The following WDR7 variants were observed in gnomAD, a reference collection of about 807,000 sequenced individuals.
WDR7 encodes WD repeat-containing protein 7.
WDR7 carries 46 observed loss-of-function variants against 169.4 expected under a neutral mutation model. The observed-to-expected ratio is 0.27, with a 90% CI of 0.21 to 0.35. The LOEUF is 0.35. Ranked by LOEUF, WDR7 falls within the 10% of genes least tolerant of loss-of-function variation. The pLI is 1.00. For missense variants in WDR7, 1,534 were observed against 1,859.3 expected (o/e 0.83, Z 3.22); for synonymous variants, 612 against 666.8 (o/e 0.92, Z 1.27).
rs2048392120 is a variant in WDR7 at position 57,028,009 on chromosome 18, G to A, written c.*802G>A. 1 of 152,104 alleles carries A rather than the reference G, an allele frequency of 6.6e-6. No individual in the cohort carries two copies. Among genetic ancestry groups the A allele is most frequent in the South Asian group, 2.1e-4 (1 of 4,820 alleles). 9.4% of individuals were successfully genotyped at this position (152,104 alleles called of 1,614,324 possible). On this transcript the variant is annotated 3_prime_UTR_variant, in exon 28 of 28. Transcript: ENST00000254442. ...TAACTAATCTCTTGAAGGGACTTTT[G>A]TGATAAAGAGCCAAGTTCAGAAGCA...
At chr18:56,916,282 G>A (rs1193191126) in intron 21 of WDR7, among the ~76,000 whole-genome samples, 3 of 94,806 alleles carry the variant, frequency 3.2e-5, no homozygotes, top group African/African-American at 8.2e-5. Context: ...GCCACCCCAC[G>A]ACAGGTCCCG....
chr18:56,922,168 C>T (rs1486547316), intron 21 of WDR7, among the ~76,000 whole-genome samples: 1 of 152,114 alleles, frequency 6.6e-6, no homozygotes, highest in African/African-American at 2.4e-5. Context: ...GATAACTAGA[C>T]ATTTTGAAAT....
At chr18:56,862,264 A>G (rs2045816464) in intron 20 of WDR7, among the ~76,000 whole-genome samples, 2 of 151,840 alleles carry the variant, frequency 1.3e-5, no homozygotes, top group South Asian at 4.1e-4. Context: ...TTACAAATGT[A>G]AATTCATCAA....
intron 4 of WDR7, among the ~76,000 whole-genome samples, chr18:56,682,185 C>T (rs1428130255): frequency 6.6e-6 from 1 of 152,070 alleles, no homozygotes; most frequent in African/African-American, 2.4e-5. Context: ...AAGCTGAGGC[C>T]CTGATTATGT....
At chr18:56,784,025 C>T (rs1042573449) in intron 19 of WDR7, among the ~76,000 whole-genome samples, 2 of 152,164 alleles carry the variant, frequency 1.3e-5, no homozygotes, top group Admixed American at 6.5e-5. Context: ...ACTTTGTCTG[C>T]GTCAGGCTTT....
At chr18:56,924,744 T>A (rs1465971356) in intron 22 of WDR7, among the ~76,000 whole-genome samples, 3 of 152,232 alleles carry the variant, frequency 2.0e-5, no homozygotes, top group Admixed American at 2.0e-4. Flanking sequence ...AATCTCCTGA[T>A]TCCTGCAAAG....
At chr18:56,727,050 A>C (rs79542752) in intron 13 of WDR7, among the ~76,000 whole-genome samples, 1,949 of 152,282 alleles carry the variant, frequency 0.013, 39 homozygotes, top group African/African-American at 0.045. Flanking sequence ...ACTCTAAGCT[A>C]TCTGTCTTCA....
At chr18:56,772,060 C>CAAAAA (rs71169397) in intron 16 of WDR7, among the ~76,000 whole-genome samples, 1 of 51,168 alleles carries the variant, frequency 2.0e-5, no homozygotes, top group Non-Finnish European at 3.4e-5. Flanking sequence ...GACCCTGTCT[C>CAAAAA]AAAAAAAAAA....
In WDR7 at chr18:56,895,222, GATAA is replaced by G. The variant is rs1236973597; in HGVS notation, c.3526+15062_3526+15065del. The stretch of plus-strand genomic sequence containing the variant: ...AGGATATCCATATGTCAATCAGCAA[GATAA>G]ATAATCAAAAATGAGTAACTTCTGT... On this transcript the variant is annotated intron_variant, in intron 21 of 27. Transcript: ENST00000254442. Among the ~76,000 whole-genome samples, 10 of 151,948 alleles carry G rather than the reference GATAA, an allele frequency of 6.6e-5. No individual in the cohort carries two copies. The East Asian group carries it at 9.7e-4, about 15-fold the overall frequency.
chr18:56,987,194 C>T (rs1336177410), intron 26 of WDR7, among the ~76,000 whole-genome samples: 1 of 141,808 alleles, frequency 7.1e-6, no homozygotes, highest in Non-Finnish European at 1.5e-5. Flanking sequence ...TGTCTTTGGA[C>T]ATTCAGAACC....
At chr18:56,900,664 G>C (rs79662223) in intron 21 of WDR7, among the ~76,000 whole-genome samples, 1,809 of 152,204 alleles carry the variant, frequency 0.012, 40 homozygotes, top group African/African-American at 0.042. Context: ...GGGGAACATC[G>C]GGCTTGTAGA....
chr18:56,710,122 G>C (rs2026054421), intron 12 of WDR7, among the ~76,000 whole-genome samples: 1 of 150,602 alleles, frequency 6.6e-6, no homozygotes, highest in Non-Finnish European at 1.5e-5. Context: ...TCCTGCCTCA[G>C]CCTCCCGAGT....
intron 27 of WDR7, among the ~76,000 whole-genome samples, chr18:57,022,593 T>C (rs1190648284): frequency 6.6e-6 from 1 of 152,230 alleles, no homozygotes; most frequent in Non-Finnish European, 1.5e-5. Flanking sequence ...TTTCCCAGTA[T>C]TTTCAGGAGT....
intron 25 of WDR7, among the ~76,000 whole-genome samples, chr18:56,958,787 ATTAC>A (rs900016431): frequency 6.6e-6 from 1 of 152,100 alleles, no homozygotes; most frequent in African/African-American, 2.4e-5. Context: ...CATCTCAATT[ATTAC>A]TTTAGACCCT....
chr18:56,727,009 G>A (rs1241416218), intron 13 of WDR7, among the ~76,000 whole-genome samples: 1 of 152,064 alleles, frequency 6.6e-6, no homozygotes, highest in Non-Finnish European at 1.5e-5. Flanking sequence ...CTTCACCCTG[G>A]TAGTCTATTC....
chr18:56,942,475 T>A (rs1416579312), intron 25 of WDR7, among the ~76,000 whole-genome samples: 1 of 152,116 alleles, frequency 6.6e-6, no homozygotes, highest in African/African-American at 2.4e-5. Flanking sequence ...AGGGCATAAA[T>A]AAAGAAAAAC....
chr18:56,731,366 A>G lies in WDR7; in HGVS notation c.1775-17A>G, dbSNP rs1568163371. On this transcript the variant is annotated splice_polypyrimidine_tract_variant and intron_variant, in intron 13 of 27. Transcript: ENST00000254442. ...TTGTAGTGTTATGAAATATTTGTGA[A>G]TATATTTTTCTCGCAGGTGCATTGG... is the stretch of plus-strand genomic sequence containing the variant. 3.1e-6 allele frequency: 5 copies of G among 1,608,812 alleles called. No homozygotes were observed. The Admixed American group carries it at 5.0e-5, about 16-fold the overall frequency.
At chr18:56,890,013 T>G (rs1225824186) in intron 21 of WDR7, among the ~76,000 whole-genome samples, 4 of 152,166 alleles carry the variant, frequency 2.6e-5, no homozygotes, top group African/African-American at 9.7e-5. Context: ...TTTATGTGCA[T>G]TTGTGGTTTT....
intron 20 of WDR7, among the ~76,000 whole-genome samples, chr18:56,848,278 G>A (rs547327295): frequency 4.1e-4 from 63 of 152,294 alleles, no homozygotes; most frequent in African/African-American, 1.4e-3. Flanking sequence ...CTTTGTTCTG[G>A]CCAATTTCTT....
Sources: allele counts gnomAD v4.1 joint callset (sites outside exome capture counted in the v4.1 genomes callset), GRCh38; gene constraint gnomAD v4.1.1; transcripts MANE v1.5; gene names NCBI Gene and HGNC (gene_info 2026-07-23, HGNC 2026-07-21).